Variants in ARHGAP15 observed in about 807,000 individuals in gnomAD.
ARHGAP15 encodes the protein rho GTPase-activating protein 15.
A neutral mutation model predicts 63.7 loss-of-function variants in ARHGAP15; 51 were observed. That is an observed-to-expected ratio of 0.80 (90% confidence interval 0.64 to 1.01). The LOEUF is 1.01. ARHGAP15 is among the 50% of genes least tolerant of loss of function. The probability of loss-of-function intolerance (pLI) is 0.00; values close to 1 mark genes in which losing one functional copy is unlikely to be tolerated. For missense variants in ARHGAP15, 560 were observed against 564.6 expected (o/e 0.99, Z 0.08); for synonymous variants, 191 against 193.8 (o/e 0.99, Z 0.12).
At chr2:143,150,593 CA>C (rs754555457) in intron 1 of ARHGAP15, among the ~76,000 whole-genome samples, 3 of 151,962 alleles carry the variant, frequency 2.0e-5, no homozygotes, top group Non-Finnish European at 4.4e-5. Context: ...ATAGTGAAGC[CA>C]GTCTTAAGTG....
At chr2:143,153,873 T>TTCCTCCTCC (rs372991318) in intron 1 of ARHGAP15, among the ~76,000 whole-genome samples, 18 of 46,830 alleles carry the variant, frequency 3.8e-4, no homozygotes, top group Non-Finnish European at 6.3e-4. Flanking sequence ...CCTCCTCCTC[T>TTCCTCCTCC]TCCTCCTCCT....
intron 6 of ARHGAP15, among the ~76,000 whole-genome samples, chr2:143,255,933 A>G (rs1022811744): frequency 6.6e-6 from 1 of 152,150 alleles, no homozygotes; most frequent in East Asian, 1.9e-4. Context: ...CAATCATTTC[A>G]TCTACCTATT....
At chr2:143,607,573 G>A (rs1574701705) in intron 11 of ARHGAP15, 2 of 151,182 alleles carry the variant, frequency 1.3e-5, no homozygotes, top group South Asian at 4.2e-4. Flanking sequence ...GAGAGAGAGA[G>A]ACAGAGAGAG....
At chr2:143,591,647 T>G (rs1422280192) in intron 11 of ARHGAP15, among the ~76,000 whole-genome samples, 1 of 148,520 alleles carries the variant, frequency 6.7e-6, no homozygotes, top group Non-Finnish European at 1.5e-5. Context: ...TTAGAGAAAG[T>G]CTTGCTCTTG....
chr2:143,289,533 G>A (rs1023940128), intron 6 of ARHGAP15, among the ~76,000 whole-genome samples: 2 of 152,132 alleles, frequency 1.3e-5, no homozygotes, highest in Admixed American at 6.5e-5. Context: ...CAGTAGACAC[G>A]ATAGCAGTTT....
At chr2:143,560,433 T>G (rs533415446) in intron 11 of ARHGAP15, among the ~76,000 whole-genome samples, 1 of 152,326 alleles carries the variant, frequency 6.6e-6, no homozygotes. Flanking sequence ...GAGGTTCAGA[T>G]AGTAAATAAT....
At chr2:143,329,875 G>GA (rs1288802631) in intron 6 of ARHGAP15, among the ~76,000 whole-genome samples, 1 of 147,484 alleles carries the variant, frequency 6.8e-6, no homozygotes, top group Non-Finnish European at 1.5e-5. Context: ...AAAGTTATGA[G>GA]AGAACATATT....
At chr2:143,250,771 T>C (rs1238232281) in intron 6 of ARHGAP15, among the ~76,000 whole-genome samples, 171 bp downstream of exon 6, 2 of 152,078 alleles carry the variant, frequency 1.3e-5, no homozygotes, top group Non-Finnish European at 2.9e-5. Flanking sequence ...TTTGTTGCTT[T>C]TTTTCTGGCG....
chr2:143,660,727 G>A (rs540259732), intron 12 of ARHGAP15, among the ~76,000 whole-genome samples: 4 of 152,146 alleles, frequency 2.6e-5, no homozygotes, highest in African/African-American at 4.8e-5. Flanking sequence ...CTTACCATAC[G>A]TTTCCTTGAG....
At chr2:143,561,045 C>A (rs1339202122) in intron 11 of ARHGAP15, among the ~76,000 whole-genome samples, 1 of 152,174 alleles carries the variant, frequency 6.6e-6, no homozygotes, top group Non-Finnish European at 1.5e-5. Flanking sequence ...TGATCTGTGA[C>A]CTCCTTACAC....
chr2:143,750,109 C>CA (rs2105524393), intron 13 of ARHGAP15, among the ~76,000 whole-genome samples: 1 of 152,318 alleles, frequency 6.6e-6, no homozygotes, highest in South Asian at 2.1e-4. Flanking sequence ...GTTTATAAAA[C>CA]AATTGACAGA....
intron 11 of ARHGAP15, among the ~76,000 whole-genome samples, chr2:143,620,320 A>G (rs1255073810): frequency 6.6e-6 from 1 of 152,042 alleles, no homozygotes; most frequent in Non-Finnish European, 1.5e-5. Context: ...CTCCATTGCT[A>G]CCTAACAATT....
At chr2:143,178,935 G>A (rs1466876024) in intron 2 of ARHGAP15, among the ~76,000 whole-genome samples, 1 of 152,178 alleles carries the variant, frequency 6.6e-6, no homozygotes, top group African/African-American at 2.4e-5. Context: ...ATTTTCTTTG[G>A]CTATGATTTT....
chr2:143,608,895 G>A (rs1280543080), intron 11 of ARHGAP15: 1 of 152,128 alleles, frequency 6.6e-6, no homozygotes, highest in Non-Finnish European at 1.5e-5. Flanking sequence ...GTTAACTTGG[G>A]AAGCATTGCT....
At chr2:143,709,611 TAGAAACTGTTGAGCCCC>T (rs60233464) in intron 13 of ARHGAP15, among the ~76,000 whole-genome samples, 51,477 of 151,796 alleles carry the variant, frequency 0.34, 8,949 homozygotes, top group African/African-American at 0.36. Flanking sequence ...TCATTGAAAG[TAGAAACTGTTGAGCCCC>T]AGAAACTGTT....
chr2:143,548,077 C>G (rs1695406593), intron 10 of ARHGAP15, among the ~76,000 whole-genome samples: 1 of 152,156 alleles, frequency 6.6e-6, no homozygotes, highest in Admixed American at 6.6e-5. Flanking sequence ...TGTAACAACA[C>G]CTGTCTTCCC....
chr2:143,732,910 G>GTTTT (rs35876339), intron 13 of ARHGAP15, among the ~76,000 whole-genome samples: 45 of 122,000 alleles, frequency 3.7e-4, no homozygotes, highest in East Asian at 1.4e-3. Context: ...TTGTTTTTGG[G>GTTTT]TTTTTTTTTT....
intron 6 of ARHGAP15, among the ~76,000 whole-genome samples, chr2:143,270,653 T>G (rs1488228521): frequency 1.3e-5 from 2 of 152,218 alleles, no homozygotes; most frequent in Non-Finnish European, 2.9e-5. Flanking sequence ...ATTTTATTTC[T>G]TTGGTATTGA....
intron 6 of ARHGAP15, among the ~76,000 whole-genome samples, chr2:143,262,141 C>G (rs1680753859): frequency 6.6e-6 from 1 of 152,060 alleles, no homozygotes; most frequent in African/African-American, 2.4e-5. Context: ...AGTTGAAGTC[C>G]ACACAGAACT....
Sources: gnomAD v4.1 joint callset for allele counts (sites outside exome capture counted in the v4.1 genomes callset) on GRCh38, gnomAD v4.1.1 for gene constraint, MANE v1.5 for transcripts, NCBI Gene and HGNC (gene_info 2026-07-23, HGNC 2026-07-21) for gene names.